The following TMEM131L variants were observed in gnomAD, a reference collection of about 807,000 sequenced individuals.
TMEM131L encodes the protein transmembrane protein 131-like.
Under a neutral mutation model 192.2 loss-of-function variants are expected in TMEM131L, and 54 were observed. The observed-to-expected ratio is 0.28, with a 90% CI of 0.23 to 0.35. The LOEUF is 0.35. Ranked by LOEUF, TMEM131L falls within the 10% of genes least tolerant of loss-of-function variation. TMEM131L has a pLI of 1.00. For synonymous variants in TMEM131L, 701 were observed against 704.9 expected (o/e 0.99, Z 0.09); for missense variants, 1,888 against 1,972.9 (o/e 0.96, Z 0.82).
chr4:153,567,291 A>G (rs1729276275), intron 7 of TMEM131L, among the ~76,000 whole-genome samples: 1 of 152,218 alleles, frequency 6.6e-6, no homozygotes, highest in African/African-American at 2.4e-5. Flanking sequence ...AGTCTTACAT[A>G]ATTAGTTAAA....
At chr4:153,527,231 G>A (rs1180179911) in intron 3 of TMEM131L, among the ~76,000 whole-genome samples, 3 of 151,976 alleles carry the variant, frequency 2.0e-5, no homozygotes, top group Admixed American at 6.6e-5. Flanking sequence ...AATTTTCATC[G>A]TAATTATCAT....
chr4:153,471,148 C>T (rs572595519), intron 2 of TMEM131L, among the ~76,000 whole-genome samples: 6 of 152,136 alleles, frequency 3.9e-5, no homozygotes, highest in South Asian at 2.1e-4. Context: ...CCACCATGCC[C>T]GGCTAATTTT....
intron 3 of TMEM131L, among the ~76,000 whole-genome samples, chr4:153,521,281 C>T (rs940614103): frequency 2.6e-5 from 4 of 151,966 alleles, no homozygotes; most frequent in South Asian, 2.1e-4. Flanking sequence ...TGAGAAGGGG[C>T]GGGGTGGTTA....
intron 3 of TMEM131L, among the ~76,000 whole-genome samples, chr4:153,474,580 T>C (rs1020775570): frequency 6.6e-6 from 1 of 152,156 alleles, no homozygotes; most frequent in Admixed American, 6.5e-5. Flanking sequence ...GTGTGAATTG[T>C]TAAAGAATTT....
At chr4:153,487,653 G>A (rs1355370070) in intron 3 of TMEM131L, among the ~76,000 whole-genome samples, 1 of 151,738 alleles carries the variant, frequency 6.6e-6, no homozygotes, top group East Asian at 1.9e-4. Context: ...TGTGTATTCA[G>A]ATCTGTCTCC....
At chr4:153,592,007 TCTAA>T (rs915081708) in intron 17 of TMEM131L, among the ~76,000 whole-genome samples, 3 of 152,192 alleles carry the variant, frequency 2.0e-5, no homozygotes, top group Non-Finnish European at 4.4e-5. Context: ...CCCTCTTACC[TCTAA>T]CTTTCAGTGT....
intron 4 of TMEM131L, among the ~76,000 whole-genome samples, chr4:153,552,205 T>A (rs1737678043): frequency 6.6e-6 from 1 of 151,910 alleles, no homozygotes; most frequent in Non-Finnish European, 1.5e-5. Context: ...AGAGGGAGAC[T>A]CTGTCTCAAA....
intron 33 of TMEM131L, among the ~76,000 whole-genome samples, 185 bp from the exon 34 acceptor site, chr4:153,635,247 T>G (rs570374123): frequency 6.6e-6 from 1 of 152,284 alleles, no homozygotes; most frequent in South Asian, 2.1e-4. Context: ...CCAGGTTGTG[T>G]GTCTGATAAA....
chr4:153,565,059 G>A (rs16998875), intron 7 of TMEM131L, among the ~76,000 whole-genome samples: 12,578 of 152,008 alleles, frequency 0.083, 1,537 homozygotes, highest in African/African-American at 0.26. Flanking sequence ...TTCAGATATC[G>A]CCTCTCTGGC....
chr4:153,532,696 T>C (rs1735994658), intron 3 of TMEM131L, among the ~76,000 whole-genome samples: 2 of 152,176 alleles, frequency 1.3e-5, no homozygotes, highest in Admixed American at 6.5e-5. Flanking sequence ...CTTCAGCCTT[T>C]TGCAAAATTA....
In TMEM131L at chr4:153,603,215, A is replaced by C. The variant is rs906970671; in HGVS notation, c.2640-88A>C. On this transcript the variant is annotated intron_variant, in intron 23 of 34. Coordinates refer to ENST00000409959, the MANE Select transcript of TMEM131L (RefSeq NM_001131007.2). ...CTGCATCTTCAGATGTTTTTCGTAA[A>C]TCATTCCCCACTCTTCTGTAATGAA... 2.6e-6 allele frequency: 3 copies of C among 1,148,204 alleles called. No homozygotes were observed. In the African/African-American group the frequency reaches 4.8e-5, roughly 18 times the overall value. 71.1% of individuals were successfully genotyped at this position (1,148,204 alleles called of 1,614,324 possible). A position where few individuals can be genotyped will look rare whatever the true frequency, so the allele number is the denominator to read the frequency against.
rs1490744315 is a variant in TMEM131L, at chr4:153,602,632, G to T, written c.2544G>T (p.Val848=). 1 of 1,614,070 alleles carries T rather than the reference G, an allele frequency of 6.2e-7. No homozygotes were observed. The highest frequency in any genetic ancestry group is 8.5e-7 in the Non-Finnish European group (1 of 1,179,982). Residue 848 remains valine, a synonymous_variant, in exon 23 of 35, where the codon GTG becomes GTT. Transcript: ENST00000409959. ...ADLEFRFTLN[V]TLPHHLLPLC... The stretch of plus-strand genomic sequence containing the variant: ...TAGAATTTCGCTTCACTCTCAATGT[G>T]ACTCTCCCTCATCACCTGTTGCCCT...
chr4:153,469,892 C>T (rs1375049769), intron 2 of TMEM131L, among the ~76,000 whole-genome samples: 2 of 152,078 alleles, frequency 1.3e-5, no homozygotes, highest in Admixed American at 1.3e-4. Flanking sequence ...CGCTGAAGCA[C>T]TCCAGCCTGG....
chr4:153,532,096 C>T (rs1735942060), intron 3 of TMEM131L, among the ~76,000 whole-genome samples: 2 of 152,222 alleles, frequency 1.3e-5, no homozygotes, highest in Admixed American at 1.3e-4. Flanking sequence ...TGGATCTCCA[C>T]TGAAGGCCAA....
chr4:153,572,915 A>G (rs533319988), intron 7 of TMEM131L, among the ~76,000 whole-genome samples: 61 of 152,302 alleles, frequency 4.0e-4, no homozygotes, highest in Non-Finnish European at 7.5e-4. Flanking sequence ...TGTCTCTATG[A>G]ATTGGACTAT....
chr4:153,560,669 G>C lies in TMEM131L; in HGVS notation c.660+2301G>C, dbSNP rs147382656. Among the ~76,000 whole-genome samples the C allele has an allele frequency of 7.6e-4, 116 of 152,300 alleles. No individual in the cohort carries two copies. In the South Asian group the frequency reaches 8.3e-3, roughly 11 times the overall value. Reference sequence around the variant, plus strand: ...TTTGAACATCTTATATAAATGAAATGTATGGTCTTTTGTGATTGGCATCTT... The same window carrying C: ...TTTGAACATCTTATATAAATGAAATCTATGGTCTTTTGTGATTGGCATCTT... On this transcript the variant is annotated intron_variant, in intron 7 of 34. Coordinates refer to ENST00000409959, the MANE Select transcript of TMEM131L (RefSeq NM_001131007.2).
intron 3 of TMEM131L, among the ~76,000 whole-genome samples, chr4:153,521,470 A>G (rs1319403544): frequency 6.6e-6 from 1 of 152,226 alleles, no homozygotes; most frequent in Admixed American, 6.5e-5. Flanking sequence ...TGCACCAAAT[A>G]CATTCCTGAA....
intron 3 of TMEM131L, among the ~76,000 whole-genome samples, chr4:153,544,363 A>G (rs191239319): frequency 4.6e-5 from 7 of 152,362 alleles, no homozygotes; most frequent in Admixed American, 4.6e-4. Context: ...ACCCTTAGGA[A>G]TAAGGCCAGC....
intron 7 of TMEM131L, among the ~76,000 whole-genome samples, chr4:153,563,584 C>T (rs1205274786): frequency 1.3e-5 from 2 of 150,132 alleles, no homozygotes; most frequent in African/African-American, 2.4e-5. Flanking sequence ...CCTCCTGCCT[C>T]AGCCTCCCGA....
Sources: allele counts gnomAD v4.1 joint callset (sites outside exome capture counted in the v4.1 genomes callset), GRCh38; gene constraint gnomAD v4.1.1; transcripts MANE v1.5; gene names NCBI Gene and HGNC (gene_info 2026-07-23, HGNC 2026-07-21).